Variants in PDE3B observed in about 807,000 individuals in gnomAD.
PDE3B encodes cGMP-inhibited 3',5'-cyclic phosphodiesterase 3B.
In PDE3B, 66 loss-of-function variants were observed where a neutral mutation model predicts 116.8. The observed-to-expected ratio is 0.56, with a 90% CI of 0.46 to 0.69. The LOEUF (loss-of-function observed/expected upper bound fraction) is 0.69, where lower values mean the gene tolerates loss of function less well. Ranked by LOEUF, PDE3B falls within the 30% of genes least tolerant of loss-of-function variation. The pLI, the probability that PDE3B is intolerant of heterozygous loss-of-function variation, is 0.00. For missense variants in PDE3B, 1,384 were observed against 1,368.1 expected (o/e 1.01, Z -0.18); for synonymous variants, 595 against 533.6 (o/e 1.12, Z -1.59).
intron 1 of PDE3B, among the ~76,000 whole-genome samples, chr11:14,649,306 A>G (rs2133745029): frequency 6.6e-6 from 1 of 152,306 alleles, no homozygotes; most frequent in Admixed American, 6.5e-5. Context: ...CTATTTCAGT[A>G]TAAATGTTGG....
rs1847945292 is a variant in PDE3B at position 14,861,296 on chromosome 11, A to T, written c.2816A>T (p.Asn939Ile). The change falls in exon 14 of 16, where the codon AAT becomes ATT. Residue 939 changes from asparagine (N) to isoleucine (I), a missense_variant. By Grantham distance (149) the Asn-to-Ile change is moderately radical (BLOSUM62 -3). This residue lies in a region of PDE3B where 428 missense variants were observed against 561.4 expected (regional missense o/e 0.76). Coordinates refer to ENST00000282096, the MANE Select transcript of PDE3B (RefSeq NM_000922.4). Reference protein sequence around the residue: ...CQVCIKLADINGPAKVRDLHL... With the variant: ...CQVCIKLADIIGPAKVRDLHL... Reference sequence around the variant, plus strand: ...GTGTGCATCAAACTGGCAGATATAAATGGCCCAGCAAAAGTTCGAGACTTG... The same window carrying T: ...GTGTGCATCAAACTGGCAGATATAATTGGCCCAGCAAAAGTTCGAGACTTG... 6.2e-7 allele frequency: 1 copy of T among 1,613,776 alleles called. No individual in the cohort carries two copies.
In PDE3B at chr11:14,765,127, T is replaced by C. The variant is rs112772440; in HGVS notation, c.979-6810T>C. 5.0e-3 allele frequency among the ~76,000 whole-genome samples: 758 copies of C among 152,144 alleles called. 10 individuals carry two copies. Among genetic ancestry groups the C allele is most frequent in the African/African-American group, 0.018 (740 of 41,544 alleles). Reference sequence around the variant, plus strand: ...GAAACACTGAATTCAGTCAGTTTCATTAGCATAGATTTATATATGAAGCTC... The same window carrying C: ...GAAACACTGAATTCAGTCAGTTTCACTAGCATAGATTTATATATGAAGCTC... On this transcript the variant is annotated intron_variant, in intron 1 of 15. Coordinates refer to ENST00000282096, the MANE Select transcript of PDE3B (RefSeq NM_000922.4).
chr11:14,833,488 C>T (rs1168735689), intron 10 of PDE3B, among the ~76,000 whole-genome samples: 1 of 151,926 alleles, frequency 6.6e-6, no homozygotes, highest in East Asian at 1.9e-4. Context: ...AAATTAATTG[C>T]CTGTGTACTT....
intron 2 of PDE3B, among the ~76,000 whole-genome samples, chr11:14,779,865 C>G (rs1456044928): frequency 1.3e-5 from 2 of 151,976 alleles, no homozygotes; most frequent in East Asian, 3.9e-4. Context: ...TTAAAAGACA[C>G]AGACTGGCAA....
chr11:14,772,258 A>G (rs1857667024), intron 2 of PDE3B: 2 of 188,940 alleles, frequency 1.1e-5, no homozygotes, highest in African/African-American at 2.3e-5. Flanking sequence ...TGGGCTCAGA[A>G]TCAACTAATA....
chr11:14,852,270 G>T (rs552738177), intron 12 of PDE3B, among the ~76,000 whole-genome samples: 1 of 152,180 alleles, frequency 6.6e-6, no homozygotes, highest in Non-Finnish European at 1.5e-5. Context: ...TGACCAGGCT[G>T]GTCTCAAACT....
intron 1 of PDE3B, chr11:14,674,288 T>A (rs1388740980): frequency 9.3e-7 from 1 of 1,075,210 alleles, no homozygotes; most frequent in African/African-American, 1.6e-5. Flanking sequence ...GCAGCCCCTA[T>A]CGTCTTCCCC....
chr11:14,711,544 C>A (rs1855702142), intron 1 of PDE3B, among the ~76,000 whole-genome samples: 1 of 152,108 alleles, frequency 6.6e-6, no homozygotes, highest in African/African-American at 2.4e-5. Context: ...TGGGAGCAGG[C>A]ACATCATATG....
chr11:14,779,950 C>G (rs1268014718), intron 2 of PDE3B, among the ~76,000 whole-genome samples: 4 of 133,996 alleles, frequency 3.0e-5, no homozygotes, highest in Admixed American at 7.8e-5. Flanking sequence ...CGCATAGGCT[C>G]AAAATAAAGG....
rs181321373 is a variant in PDE3B at position 14,801,616 on chromosome 11, G to C, written c.1416-2328G>C. Among the ~76,000 whole-genome samples the C allele has an allele frequency of 2.4e-3, 358 of 152,318 alleles. 1 individual carries two copies. The highest frequency in any genetic ancestry group is 8.1e-3 in the African/African-American group (336 of 41,580). On this transcript the variant is annotated intron_variant, in intron 4 of 15. Coordinates refer to ENST00000282096, the MANE Select transcript of PDE3B (RefSeq NM_000922.4). Reference sequence around the variant, plus strand: ...CCAGTCAGGATACATGGGGGTCAGGGACCCACTTGAGGAGGTAGTCTGACC... The same window carrying C: ...CCAGTCAGGATACATGGGGGTCAGGCACCCACTTGAGGAGGTAGTCTGACC...
chr11:14,851,031 G>C (rs12281550), intron 12 of PDE3B, among the ~76,000 whole-genome samples: 1 of 146,974 alleles, frequency 6.8e-6, no homozygotes, highest in African/African-American at 2.5e-5. Context: ...CACTGTGTTA[G>C]CCGGGATGGT....
chr11:14,726,322 C>A lies in PDE3B; in HGVS notation c.979-45615C>A, dbSNP rs574949445. Among the ~76,000 whole-genome samples the A allele has an allele frequency of 8.8e-4, 134 of 152,242 alleles. No homozygotes were observed. In the Middle Eastern group the frequency reaches 0.02, roughly 23 times the overall value. On this transcript the variant is annotated intron_variant, in intron 1 of 15. Coordinates refer to ENST00000282096, the MANE Select transcript of PDE3B (RefSeq NM_000922.4). ...TTTCTTTCCCTCTAGAATGCAAAGA[C>A]CTTGTCTGTCTTATTAATGTCTGCA...
At chr11:14,740,530 T>C (rs563815354) in intron 1 of PDE3B, among the ~76,000 whole-genome samples, 3 of 152,190 alleles carry the variant, frequency 2.0e-5, no homozygotes, top group Admixed American at 1.3e-4. Context: ...CTGTCTATTT[T>C]GGTAATGTTT....
intron 12 of PDE3B, among the ~76,000 whole-genome samples, chr11:14,851,364 C>CT (rs895834253): frequency 1.4e-4 from 21 of 151,796 alleles, no homozygotes; most frequent in African/African-American, 5.1e-4. Flanking sequence ...TTCTGTTTTT[C>CT]TTTTTTTTCT....
chr11:14,886,993 T>C, the PDE3B span: 1 of 152,168 alleles, frequency 6.6e-6, no homozygotes, highest in Non-Finnish European at 1.5e-5. Context: ...TCCAGAACCT[T>C]GGGAAAAGAA....
chr11:14,697,263 T>C (rs901321491), intron 1 of PDE3B, among the ~76,000 whole-genome samples: 1 of 152,164 alleles, frequency 6.6e-6, no homozygotes, highest in Non-Finnish European at 1.5e-5. Flanking sequence ...ATATGTGATC[T>C]AGAATTAATT....
chr11:14,763,041 T>C (rs964306298), intron 1 of PDE3B, among the ~76,000 whole-genome samples: 24 of 152,118 alleles, frequency 1.6e-4, no homozygotes, highest in African/African-American at 5.3e-4. Context: ...GTCATTAGCT[T>C]ATTGAAGGTA....
intron 1 of PDE3B, among the ~76,000 whole-genome samples, chr11:14,733,051 G>T (rs1221566967): frequency 6.6e-6 from 1 of 152,038 alleles, no homozygotes; most frequent in African/African-American, 2.4e-5. Flanking sequence ...TTCACAAATC[G>T]ATATACCTAT....
chr11:14,674,845 A>G (rs1854483737), intron 1 of PDE3B, among the ~76,000 whole-genome samples: 1 of 152,186 alleles, frequency 6.6e-6, no homozygotes, highest in African/African-American at 2.4e-5. Flanking sequence ...TTTATTAAAA[A>G]TGAAGTTATG....
Sources: gnomAD v4.1 joint callset for allele counts (sites outside exome capture counted in the v4.1 genomes callset) on GRCh38, gnomAD v4.1.1 for gene constraint, gnomAD v4.1.1 regional missense constraint, MANE v1.5 for transcripts, NCBI Gene and HGNC (gene_info 2026-07-23, HGNC 2026-07-21) for gene names.